PLEKHF1: variants seen among roughly 807,000 people sequenced by gnomAD.
The protein encoded by PLEKHF1 is pleckstrin homology domain-containing family F member 1.
Under a neutral mutation model 4.1 loss-of-function variants are expected in PLEKHF1, and 1 was observed. The ratio of observed to expected loss-of-function variants is 0.24; its 90% CI spans 0.09 to 1.15. PLEKHF1 has a LOEUF of 1.15. Ranked by LOEUF, PLEKHF1 falls within the 50% of genes most tolerant of loss-of-function variation. The pLI is 0.52. For synonymous variants in PLEKHF1, 182 were observed against 178.5 expected, an observed-to-expected ratio of 1.02 and a Z score of -0.16; for missense variants, 429 against 400.6, an observed-to-expected ratio of 1.07 and a Z score of -0.60.
Position 29,673,830 on chromosome 19 carries a change from G to C in PLEKHF1, c.-10G>C. The C allele has an allele frequency of 6.3e-7, 1 of 1,584,536 alleles. No individual in the cohort carries two copies. Among genetic ancestry groups the C allele is most frequent in the Non-Finnish European group, 8.6e-7 (1 of 1,162,952 alleles). ...TGTCTGTCTCCTCCTGCAGCCGCCAGCTGGAGACGATGGTGGACCACTTGG... is the reference window on the plus strand; with the variant it reads ...TGTCTGTCTCCTCCTGCAGCCGCCACCTGGAGACGATGGTGGACCACTTGG... On this transcript the variant is annotated 5_prime_UTR_variant, in exon 2 of 2. Coordinates refer to ENST00000436066, the MANE Select transcript of PLEKHF1 (RefSeq NM_024310.5).
chr19:29,666,220 T>C (rs900995767), intron 1 of PLEKHF1, among the ~76,000 whole-genome samples: 8 of 152,076 alleles, frequency 5.3e-5, no homozygotes, highest in Non-Finnish European at 8.8e-5. Flanking sequence ...TGAAACTTGA[T>C]CTCTGCAGCC....
At chr19:29,673,119 C>T (rs1971649210) in intron 1 of PLEKHF1, among the ~76,000 whole-genome samples, 1 of 152,178 alleles carries the variant, frequency 6.6e-6, no homozygotes, top group Non-Finnish European at 1.5e-5. Flanking sequence ...GATAGTCACG[C>T]TTGGCTGACA....
In PLEKHF1 at chr19:29,665,511, T is replaced by C. The variant is rs529452449; in HGVS notation, c.-17+6T>C. On this transcript the variant is annotated splice_donor_region_variant and intron_variant, in intron 1 of 1. Transcript: ENST00000436066. ...GCGCGGGGCCGGCGCAGAAGGTGAGTCCCCCCACCGTCCCCCGGCCGGGCT... is the reference window on the plus strand; with the variant it reads ...GCGCGGGGCCGGCGCAGAAGGTGAGCCCCCCCACCGTCCCCCGGCCGGGCT... 9 of 1,213,736 alleles carry C rather than the reference T, an allele frequency of 7.4e-6. No homozygotes were observed. The African/African-American group carries it at 1.3e-4, about 18-fold the overall frequency. The allele number at this position is 1,213,736 out of a possible 1,614,324, so 75.2% of individuals were successfully genotyped here. A position where few individuals can be genotyped will look rare whatever the true frequency, so the allele number is the denominator to read the frequency against.
Position 29,674,396 on chromosome 19 carries a change from G to T in PLEKHF1, c.557G>T (p.Cys186Phe), listed in dbSNP as rs61750861. 204 of 1,530,994 alleles carry T rather than the reference G, an allele frequency of 1.3e-4. No individual in the cohort carries two copies. Among genetic ancestry groups the T allele is most frequent in the Non-Finnish European group, 1.7e-4 (190 of 1,142,434 alleles). 94.8% of individuals were successfully genotyped at this position (1,530,994 alleles called of 1,614,324 possible). Residue 186 changes from cysteine to phenylalanine, a missense_variant, in exon 2 of 2, where the codon TGC becomes TTC. By Grantham distance (205) the Cys-to-Phe change is radical (BLOSUM62 -2). Coordinates refer to ENST00000436066, the MANE Select transcript of PLEKHF1 (RefSeq NM_024310.5). Reference sequence around the variant, plus strand: ...TGCGGCTTCGTGGTCTGCGCTGAGTGCTCGCGCCAGCGCTTCCTGCTCCCG... The same window carrying T: ...TGCGGCTTCGTGGTCTGCGCTGAGTTCTCGCGCCAGCGCTTCCTGCTCCCG... ...RKCGFVVCAE[C>F]SRQRFLLPRL...
rs1056071512 is a variant in PLEKHF1, at chr19:29,674,331, G to C, written c.492G>C (p.Thr164=). The change falls in exon 2 of 2, where the codon ACG becomes ACC. Residue 164 remains threonine, a synonymous_variant. Coordinates refer to ENST00000436066, the MANE Select transcript of PLEKHF1 (RefSeq NM_024310.5). ...ATDICMRCTQ[T]RFSALTRRHH... ...ACATCTGCATGCGCTGCACGCAGACGCGCTTCTCTGCCCTCACGAGGCGCC... is the reference window on the plus strand; with the variant it reads ...ACATCTGCATGCGCTGCACGCAGACCCGCTTCTCTGCCCTCACGAGGCGCC... 6.4e-7 allele frequency: 1 copy of C among 1,567,798 alleles called. No homozygotes were observed. Among genetic ancestry groups the C allele is most frequent in the African/African-American group, 1.4e-5 (1 of 73,992 alleles).
At chr19:29,673,205 G>A (rs886236344) in intron 1 of PLEKHF1, among the ~76,000 whole-genome samples, 11 of 152,142 alleles carry the variant, frequency 7.2e-5, no homozygotes, top group Non-Finnish European at 7.4e-5. Context: ...GGGTTGCAGG[G>A]CCTGTGACAG....
chr19:29,673,881 C>T lies in PLEKHF1; in HGVS notation c.42C>T (p.Arg14=), dbSNP rs1010452847. 6.2e-7 allele frequency: 1 copy of T among 1,609,762 alleles called. No individual in the cohort carries two copies. Among genetic ancestry groups the T allele is most frequent in the Non-Finnish European group, 8.5e-7 (1 of 1,177,104 alleles). The stretch of plus-strand genomic sequence containing the variant: ...CCAACACGGAGATCAACAGCCAGCG[C>T]ATCGCGGCAGTGGAGAGCTGCTTCG... ...HLANTEINSQ[R]IAAVESCFGA... Residue 14 remains arginine, a synonymous_variant, in exon 2 of 2, where the codon CGC becomes CGT. Transcript: ENST00000436066.
In PLEKHF1 at chr19:29,674,156, A is replaced by C; in HGVS notation, c.317A>C (p.Lys106Thr). ...AKNRWMIKTA[K>T]KSFVVSAASA... ...AACCGCTGGATGATCAAGACGGCCA[A>C]GAAGTCCTTTGTGGTGTCGGCCGCC... Residue 106 changes from lysine to threonine, a missense_variant, in exon 2 of 2, where the codon AAG (lysine) becomes ACG (threonine). By Grantham distance (78) the Lys-to-Thr change is moderately conservative (BLOSUM62 -1). Coordinates refer to ENST00000436066, the MANE Select transcript of PLEKHF1 (RefSeq NM_024310.5). 1 of 1,613,762 alleles carries C rather than the reference A, an allele frequency of 6.2e-7. No individual in the cohort carries two copies. The highest frequency in any genetic ancestry group is 8.5e-7 in the Non-Finnish European group (1 of 1,179,974).
In PLEKHF1 at chr19:29,671,844, G is replaced by A. The variant is rs1199027668; in HGVS notation, c.-16-1980G>A. Among the ~76,000 whole-genome samples the A allele has an allele frequency of 6.6e-6, 1 of 152,106 alleles. No homozygotes were observed. The highest frequency in any genetic ancestry group is 1.5e-5 in the Non-Finnish European group (1 of 68,026). ...TCAGTGACCCAGAAACACTATGGGT[G>A]TGATCAGCTCAGCCCCAGGCGTGCC... On this transcript the variant is annotated intron_variant, in intron 1 of 1. Coordinates refer to ENST00000436066, the MANE Select transcript of PLEKHF1 (RefSeq NM_024310.5). This position sits in a 1 kb window ranked among gnomAD's most constrained non-coding sequence, Gnocchi z 4.0.
rs1971627444 is a variant in PLEKHF1 at position 29,671,097 on chromosome 19, TC to T, written c.-16-2723del. On this transcript the variant is annotated intron_variant, in intron 1 of 1. Transcript: ENST00000436066. The surrounding 1 kb of genome is among the most constrained non-coding windows in gnomAD (Gnocchi z 4.0). ...TTATTTATTTTTTGTTTTGTTTTTT[TC>T]CCCTCCTTTTTTTTTTTTTGAGATG... Among the ~76,000 whole-genome samples, 1 of 150,912 alleles carries T rather than the reference TC, an allele frequency of 6.6e-6. No homozygotes were observed. The highest frequency in any genetic ancestry group is 1.5e-5 in the Non-Finnish European group (1 of 67,800).
Position 29,674,119 on chromosome 19 carries a change from C to G in PLEKHF1, c.280C>G (p.Leu94Val). The G allele has an allele frequency of 1.2e-6, 2 of 1,613,942 alleles. No homozygotes were observed. Among genetic ancestry groups the G allele is most frequent in the Non-Finnish European group, 1.7e-6 (2 of 1,180,008 alleles). Residue 94 changes from leucine (L) to valine (V), a missense_variant, in exon 2 of 2, where the codon CTG becomes GTG. Leu to Val is a conservative substitution (Grantham distance 32). Transcript: ENST00000436066. ...CACACTGGAGCTGTTGCCGGAGACG[C>G]TGCAGGCCAAGAACCGCTGGATGAT... Reference protein sequence around the residue: ...EVTLELLPETLQAKNRWMIKT... With the variant: ...EVTLELLPETVQAKNRWMIKT...
chr19:29,674,149 A>G lies in PLEKHF1; in HGVS notation c.310A>G (p.Thr104Ala). 6.2e-7 allele frequency: 1 copy of G among 1,613,744 alleles called. No homozygotes were observed. Among genetic ancestry groups the G allele is most frequent in the Non-Finnish European group, 8.5e-7 (1 of 1,179,972 alleles). ...GGCCAAGAACCGCTGGATGATCAAG[A>G]CGGCCAAGAAGTCCTTTGTGGTGTC... ...LQAKNRWMIK[T>A]AKKSFVVSAA... The change falls in exon 2 of 2, where the codon ACG (threonine) becomes GCG (alanine). Residue 104 changes from threonine (T) to alanine (A), a missense_variant. Coordinates refer to ENST00000436066, the MANE Select transcript of PLEKHF1 (RefSeq NM_024310.5).
Position 29,674,299 on chromosome 19 carries a change from G to T in PLEKHF1, c.460G>T (p.Ala154Ser), listed in dbSNP as rs1318107478. The stretch of plus-strand genomic sequence containing the variant: ...CGCGGCACCCTGGATCCCCGACAAG[G>T]CCACGGACATCTGCATGCGCTGCAC... ...EHAAPWIPDK[A>S]TDICMRCTQT... is the part of the protein sequence containing the mutation. Residue 154 changes from alanine to serine, a missense_variant, in exon 2 of 2, where the codon GCC becomes TCC. Physicochemically the swap from Ala to Ser is moderately conservative, Grantham distance 99. Coordinates refer to ENST00000436066, the MANE Select transcript of PLEKHF1 (RefSeq NM_024310.5). 3 of 1,592,826 alleles carry T rather than the reference G, an allele frequency of 1.9e-6. No homozygotes were observed. Among genetic ancestry groups the T allele is most frequent in the East Asian group, 2.3e-5 (1 of 44,130 alleles).
At chr19:29,668,310 C>T (rs140623767) in intron 1 of PLEKHF1, among the ~76,000 whole-genome samples, 1 of 152,296 alleles carries the variant, frequency 6.6e-6, no homozygotes, top group African/African-American at 2.4e-5. Flanking sequence ...AGCTCTGTCA[C>T]CAACATCTTC....
Position 29,674,853 on chromosome 19 carries a change from A to T in PLEKHF1, c.*174A>T, listed in dbSNP as rs1971687694. On this transcript the variant is annotated 3_prime_UTR_variant, in exon 2 of 2. Transcript: ENST00000436066. The stretch of plus-strand genomic sequence containing the variant: ...CCTTTTTGCTGGACACTGTGTCCTT[A>T]TGGCTTCACTGCAGGTAATGCCTTT... 1.0e-6 allele frequency: 1 copy of T among 957,436 alleles called. No individual in the cohort carries two copies. The highest frequency in any genetic ancestry group is 3.0e-5 in the Admixed American group (1 of 33,230). The allele number at this position is 957,436 out of a possible 1,614,324, so 59.3% of individuals were successfully genotyped here.
intron 1 of PLEKHF1, among the ~76,000 whole-genome samples, chr19:29,669,802 A>G (rs1971610064): frequency 6.6e-6 from 1 of 152,138 alleles, no homozygotes. Flanking sequence ...TCCTGGTCAC[A>G]TCTATGTCCT....
At position 29,671,218 on chromosome 19, in the gene PLEKHF1, G is replaced by C. The variant is rs757327415; in HGVS notation, c.-16-2606G>C. 5.3e-5 allele frequency among the ~76,000 whole-genome samples: 8 copies of C among 151,416 alleles called. No individual in the cohort carries two copies. The highest frequency in any genetic ancestry group is 1.9e-4 in the African/African-American group (8 of 41,180). On this transcript the variant is annotated intron_variant, in intron 1 of 1. Transcript: ENST00000436066. The surrounding 1 kb of genome is among the most constrained non-coding windows in gnomAD (Gnocchi z 4.0). ...GGGTTCAAGCGATTCTCCTGCCTCC[G>C]CCTCCCGAGTAGCTGGAATTACAGG...
intron 1 of PLEKHF1, among the ~76,000 whole-genome samples, chr19:29,670,437 G>T (rs540081827): frequency 3.9e-5 from 6 of 152,304 alleles, no homozygotes; most frequent in African/African-American, 1.4e-4. Context: ...GCTCATTCGT[G>T]TTGTAGTGTG....
intron 1 of PLEKHF1, among the ~76,000 whole-genome samples, chr19:29,673,315 C>T (rs948930743): frequency 4.6e-5 from 7 of 152,084 alleles, no homozygotes; most frequent in Non-Finnish European, 1.0e-4. Flanking sequence ...GCCTGTTCCG[C>T]CCTGTTTTTC....
Sources: gnomAD v4.1 joint callset for allele counts (sites outside exome capture counted in the v4.1 genomes callset) on GRCh38, gnomAD v4.1.1 for gene constraint, Gnocchi (gnomAD v3.1) non-coding constraint, MANE v1.5 for transcripts, NCBI Gene and HGNC (gene_info 2026-07-23, HGNC 2026-07-21) for gene names.